Variants in FSTL5 observed in about 807,000 individuals in gnomAD.
FSTL5 encodes the protein follistatin-related protein 5.
A neutral mutation model predicts 89.1 loss-of-function variants in FSTL5; 62 were observed. The ratio of observed to expected loss-of-function variants is 0.70; its 90% confidence interval spans 0.57 to 0.86. The LOEUF is 0.86. FSTL5 is among the 40% of genes least tolerant of loss of function. The probability of loss-of-function intolerance (pLI) is 0.00; values close to 1 mark genes in which losing one functional copy is unlikely to be tolerated. For missense variants in FSTL5, 1,057 were observed against 1,001.6 expected, an observed-to-expected ratio of 1.06 and a Z score of -0.75; for synonymous variants, 383 against 346.2, an observed-to-expected ratio of 1.11 and a Z score of -1.18.
At chr4:161,889,535 TC>T in intron 4 of FSTL5, among the ~76,000 whole-genome samples, 1 of 152,270 alleles carries the variant, frequency 6.6e-6, no homozygotes, top group Non-Finnish European at 1.5e-5. Context: ...TCCTAGCTAC[TC>T]AGGAGGCTGA....
intron 4 of FSTL5, among the ~76,000 whole-genome samples, chr4:161,876,941 T>G (rs934433783): frequency 1.2e-4 from 18 of 152,006 alleles, no homozygotes; most frequent in African/African-American, 4.4e-4. Flanking sequence ...TCCCAGCACT[T>G]TGGGAGGCCG....
At chr4:161,737,227 C>T (rs934574807) in intron 6 of FSTL5, among the ~76,000 whole-genome samples, 12 of 151,980 alleles carry the variant, frequency 7.9e-5, no homozygotes, top group African/African-American at 2.2e-4. Flanking sequence ...CAATATCTGA[C>T]ATGTCCATAA....
chr4:161,641,809 T>C (rs1413968431), intron 7 of FSTL5, among the ~76,000 whole-genome samples: 1 of 151,990 alleles, frequency 6.6e-6, no homozygotes, highest in Non-Finnish European at 1.5e-5. Flanking sequence ...GAGTTTTCAG[T>C]TGAGGATGTT....
intron 4 of FSTL5, among the ~76,000 whole-genome samples, chr4:161,848,524 T>A (rs1317558682): frequency 1.3e-5 from 2 of 152,222 alleles, no homozygotes; most frequent in East Asian, 1.9e-4. Context: ...TGATAGCACG[T>A]AAAGTTTCAG....
At chr4:162,083,207 A>G (rs1252873841) in intron 2 of FSTL5, among the ~76,000 whole-genome samples, 1 of 151,820 alleles carries the variant, frequency 6.6e-6, no homozygotes, top group Non-Finnish European at 1.5e-5. Flanking sequence ...GATTTAACAT[A>G]GTTTTATTGG....
At chr4:161,846,171 T>G (rs1169101192) in intron 4 of FSTL5, among the ~76,000 whole-genome samples, 1 of 152,166 alleles carries the variant, frequency 6.6e-6, no homozygotes, top group Non-Finnish European at 1.5e-5. Flanking sequence ...TTTATAATGT[T>G]ATTATTGTTT....
At chr4:161,458,407 AT>A (rs1490576359) in intron 14 of FSTL5, among the ~76,000 whole-genome samples, 3 of 152,224 alleles carry the variant, frequency 2.0e-5, no homozygotes, top group African/African-American at 7.2e-5. Flanking sequence ...TAAAACTGTC[AT>A]TTGTAAGTTA....
intron 3 of FSTL5, among the ~76,000 whole-genome samples, chr4:161,949,870 T>C (rs1460269439): frequency 6.6e-6 from 1 of 152,074 alleles, no homozygotes; most frequent in Non-Finnish European, 1.5e-5. Flanking sequence ...TCATTTCTAC[T>C]ACATCTTTTA....
intron 6 of FSTL5, among the ~76,000 whole-genome samples, chr4:161,689,171 C>G (rs1737840208): frequency 6.6e-6 from 1 of 152,124 alleles, no homozygotes; most frequent in African/African-American, 2.4e-5. Context: ...CTTAAGAAAG[C>G]CCTCTTCACT....
At chr4:161,792,102 C>A (rs1215695308) in intron 4 of FSTL5, among the ~76,000 whole-genome samples, 1 of 152,178 alleles carries the variant, frequency 6.6e-6, no homozygotes, top group Non-Finnish European at 1.5e-5. Flanking sequence ...TTGGAAATGC[C>A]AGCTCCTGCT....
At chr4:161,474,544 G>GTATTTT (rs147822987) in intron 13 of FSTL5, among the ~76,000 whole-genome samples, 1 of 121,844 alleles carries the variant, frequency 8.2e-6, no homozygotes. Context: ...ATTGTGTAGT[G>GTATTTT]GTTTTTTTTT....
rs1236585330 is a variant in FSTL5, at chr4:161,857,678, A to G, written c.409+62726T>C. 3.3e-5 allele frequency among the ~76,000 whole-genome samples: 5 copies of G among 152,186 alleles called. No homozygotes were observed. The East Asian group carries it at 9.6e-4, about 29-fold the overall frequency. ...TTTAATTATCACATCCCCACTATGA[A>G]AACTCCAGAAGGGCAAAGATTATGT... On this transcript the variant is annotated intron_variant, in intron 4 of 15. Coordinates refer to ENST00000306100, the MANE Select transcript of FSTL5 (RefSeq NM_020116.5).
intron 7 of FSTL5, among the ~76,000 whole-genome samples, chr4:161,622,266 A>G (rs552944554): frequency 6.6e-6 from 1 of 152,210 alleles, no homozygotes; most frequent in South Asian, 2.1e-4. Context: ...CCCCACAAAA[A>G]TTTCAGAGGT....
chr4:161,658,736 A>G (rs1394278409), intron 6 of FSTL5, among the ~76,000 whole-genome samples: 4 of 152,212 alleles, frequency 2.6e-5, no homozygotes, highest in Non-Finnish European at 5.9e-5. Context: ...AGAAAGTGAG[A>G]ACATTATAAA....
chr4:161,386,417 G>T lies in FSTL5; in HGVS notation c.1874C>A (p.Ala625Glu), dbSNP rs1206158771. ...FGFILHKDEA[A>E]LQKIDLETMS... is the part of the protein sequence containing the mutation. ...GGTTTCAAGATCAATTTTTTGTAGT[G>T]CAGCTTCATCTTTATGAAGAATAAA... The change falls in exon 16 of 16, where the codon GCA becomes GAA. Residue 625 changes from alanine (A) to glutamate (E), a missense_variant. Physicochemically the swap from Ala to Glu is moderately radical, Grantham distance 107 (BLOSUM62 -1). This residue lies in a region of FSTL5 where 980 missense variants were observed against 903.2 expected (regional missense o/e 1.08). Transcript: ENST00000306100. 1 of 1,612,334 alleles carries T rather than the reference G, an allele frequency of 6.2e-7. No individual in the cohort carries two copies. Among genetic ancestry groups the T allele is most frequent in the Non-Finnish European group, 8.5e-7 (1 of 1,179,084 alleles).
intron 15 of FSTL5, among the ~76,000 whole-genome samples, chr4:161,417,350 T>G (rs1194560408): frequency 2.0e-5 from 3 of 152,228 alleles, no homozygotes; most frequent in Non-Finnish European, 4.4e-5. Flanking sequence ...TACTCCCTCT[T>G]TTAATCACGC....
At chr4:162,113,026 T>C (rs192598761) in intron 1 of FSTL5, among the ~76,000 whole-genome samples, 1 of 152,296 alleles carries the variant, frequency 6.6e-6, no homozygotes, top group East Asian at 1.9e-4. Context: ...TTGTGGTTTA[T>C]CAAATCTCAT....
At chr4:162,135,843 T>C (rs1579055370) in intron 1 of FSTL5, among the ~76,000 whole-genome samples, 1 of 152,234 alleles carries the variant, frequency 6.6e-6, no homozygotes, top group East Asian at 1.9e-4. Context: ...ACTAAAATTT[T>C]TGGATTTTTT....
chr4:162,103,179 A>G (rs1731071134), intron 2 of FSTL5, among the ~76,000 whole-genome samples: 1 of 152,196 alleles, frequency 6.6e-6, no homozygotes, highest in Non-Finnish European at 1.5e-5. Context: ...GCTTTAGTTA[A>G]GCAAAGCAAT....
Sources: allele counts gnomAD v4.1 joint callset (sites outside exome capture counted in the v4.1 genomes callset), GRCh38; gene constraint gnomAD v4.1.1; regional missense constraint gnomAD v4.1.1; transcripts MANE v1.5; gene names NCBI Gene and HGNC (gene_info 2026-07-23, HGNC 2026-07-21).